Variants in MID1 observed in about 807,000 individuals in gnomAD.
MID1 encodes midline 1.
A neutral mutation model predicts 40.4 loss-of-function variants in MID1; 7 were observed. The observed-to-expected ratio is 0.17, with a 90% confidence interval of 0.10 to 0.33. The LOEUF (loss-of-function observed/expected upper bound fraction) is 0.33. Ranked by LOEUF, MID1 falls within the 10% of genes least tolerant of loss-of-function variation. MID1 has a pLI of 1.00. For missense variants in MID1, 367 were observed against 558.5 expected, an observed-to-expected ratio of 0.66 and a Z score of 3.46; for synonymous variants, 229 against 221.2, an observed-to-expected ratio of 1.04 and a Z score of -0.31.
chrX:10,542,061 G>A (rs2147409734), intron 2 of MID1, among the ~76,000 whole-genome samples: 1 of 112,151 alleles, frequency 8.9e-6, no homozygotes. Flanking sequence ...CATTTAAAAT[G>A]GTTAACAAAC....
At chrX:10,745,695 G>T (rs1455433542) in intron 1 of MID1, among the ~76,000 whole-genome samples, 1 of 112,522 alleles carries the variant, frequency 8.9e-6, no homozygotes, top group Non-Finnish European at 1.9e-5. Context: ...GGTAAAAATG[G>T]AGTTTTCCAT....
chrX:10,655,432 A>T (rs1569139184), intron 1 of MID1, among the ~76,000 whole-genome samples: 1 of 110,993 alleles, frequency 9.0e-6, no homozygotes, highest in Non-Finnish European at 1.9e-5. Context: ...CCAAGAGCTA[A>T]AAGTGACCCG....
chrX:10,634,912 C>T (rs1936093062), intron 1 of MID1, among the ~76,000 whole-genome samples: 1 of 112,510 alleles, frequency 8.9e-6, no homozygotes, highest in Admixed American at 9.4e-5. Context: ...CTGAGTCCCC[C>T]GTCTTTGTTC....
At chrX:10,704,765 C>CACACAGAG (rs781699598) in intron 1 of MID1, among the ~76,000 whole-genome samples, 28 of 91,624 alleles carry the variant, frequency 3.1e-4, no homozygotes, top group African/African-American at 1.2e-3. Context: ...CACACACACA[C>CACACAGAG]AGAGAGAGAG....
At chrX:10,462,254 A>T (rs1929088388) in intron 7 of MID1, among the ~76,000 whole-genome samples, 1 of 112,201 alleles carries the variant, frequency 8.9e-6, no homozygotes, top group Admixed American at 9.5e-5. Flanking sequence ...TATTGCCAAG[A>T]TAATAATTGA....
chrX:10,626,651 C>T (rs1387736919), intron 1 of MID1, among the ~76,000 whole-genome samples: 1 of 111,858 alleles, frequency 8.9e-6, no homozygotes, highest in Non-Finnish European at 1.9e-5. Flanking sequence ...TGGGGCCTTT[C>T]TGTAACAATG....
intron 1 of MID1, among the ~76,000 whole-genome samples, chrX:10,661,975 T>A (rs1462229976): frequency 8.9e-6 from 1 of 112,330 alleles, no homozygotes; most frequent in Non-Finnish European, 1.9e-5. Context: ...GGAGGCATAA[T>A]TGGATCTCAT....
Position 10,500,557 on chromosome X carries a change from A to C in MID1, c.757-4866T>G, listed in dbSNP as rs1232839667. ...TATTTCAGAATTTTTTCTACTACAAAGAAGTTTTCCACAGTTTTGCTGTTT... is the reference window on the plus strand; with the variant it reads ...TATTTCAGAATTTTTTCTACTACAACGAAGTTTTCCACAGTTTTGCTGTTT... On this transcript the variant is annotated intron_variant, in intron 3 of 9. Transcript: ENST00000317552. Among the ~76,000 whole-genome samples, 3 of 112,519 alleles carry C rather than the reference A, an allele frequency of 2.7e-5. No individual in the cohort carries two copies. In the Admixed American group the frequency reaches 2.8e-4, roughly 11 times the overall value.
chrX:10,802,132 A>C (rs1021490762), intron 1 of MID1, among the ~76,000 whole-genome samples: 2 of 111,768 alleles, frequency 1.8e-5, no homozygotes, highest in Non-Finnish European at 3.8e-5. Context: ...CAGTGAGCCG[A>C]GATCACGCCA....
intron 5 of MID1, among the ~76,000 whole-genome samples, chrX:10,481,063 G>T (rs766048026): frequency 8.9e-6 from 1 of 111,785 alleles, no homozygotes; most frequent in Non-Finnish European, 1.9e-5. Flanking sequence ...ATGGTCTACT[G>T]CCTGTTTTTG....
chrX:10,694,517 T>G (rs149099983), intron 1 of MID1, among the ~76,000 whole-genome samples: 2,069 of 111,991 alleles, frequency 0.018, 20 homozygotes, highest in African/African-American at 0.027. Context: ...CCTAAGAGTG[T>G]AGGGGAAAAG....
chrX:10,561,033 G>T (rs145847391), intron 2 of MID1, among the ~76,000 whole-genome samples: 1,256 of 106,311 alleles, frequency 0.012, 148 homozygotes, highest in African/African-American at 0.036. Flanking sequence ...TAGACCAATG[G>T]AACAGAACAG....
At chrX:10,517,573 A>C (rs999251867) in intron 3 of MID1, among the ~76,000 whole-genome samples, 4 of 112,658 alleles carry the variant, frequency 3.6e-5, no homozygotes, top group African/African-American at 1.3e-4. Flanking sequence ...TAAACCTTCA[A>C]AACCAAAGTT....
intron 1 of MID1, among the ~76,000 whole-genome samples, chrX:10,744,112 G>A (rs1207029547): frequency 9.0e-6 from 1 of 111,677 alleles, no homozygotes; most frequent in Non-Finnish European, 1.9e-5. Context: ...ATAATGGCCA[G>A]AGGGGGTGTG....
chrX:10,714,994 T>A lies in MID1; in HGVS notation c.-186-94575A>T, dbSNP rs184798270. Among the ~76,000 whole-genome samples the A allele has an allele frequency of 6.4e-3, 728 of 112,937 alleles. 3 individuals are homozygous for A. Among genetic ancestry groups the A allele is most frequent in the Middle Eastern group, 0.014 (3 of 218 alleles). On this transcript the variant is annotated intron_variant, in intron 1 of 10. Transcript: ENST00000380785. The stretch of plus-strand genomic sequence containing the variant: ...CTTTTGTATACTGTACATATTGCAG[T>A]TTTTTAAAGAAATAATTTAATTGGC...
chrX:10,566,532 C>CCTCTCTCTCT (rs773613255), intron 2 of MID1, among the ~76,000 whole-genome samples: 17 of 52,830 alleles, frequency 3.2e-4, no homozygotes, highest in East Asian at 4.6e-4. Context: ...CCTCTCTCTC[C>CCTCTCTCTCT]CTCTCTCTCT....
chrX:10,514,875 GTGGT>G (rs1162930322), intron 3 of MID1, among the ~76,000 whole-genome samples: 1 of 111,822 alleles, frequency 8.9e-6, no homozygotes, highest in Non-Finnish European at 1.9e-5. Flanking sequence ...GTTGTATGAT[GTGGT>G]TTAATGAGGC....
intron 2 of MID1, among the ~76,000 whole-genome samples, chrX:10,533,391 A>AAAAAGAAAGAAAGAAAAGAAAG (rs1933091894): frequency 5.4e-5 from 3 of 55,081 alleles, no homozygotes; most frequent in East Asian, 7.7e-4. Context: ...AGAAAGAAAG[A>AAAAAGAAAGAAAGAAAAGAAAG]AAAGAAAGAA....
At chrX:10,816,487 G>A (rs927038447) in intron 1 of MID1, among the ~76,000 whole-genome samples, 1 of 112,228 alleles carries the variant, frequency 8.9e-6, no homozygotes, top group African/African-American at 3.2e-5. Context: ...TGAATGGATT[G>A]TGTTTTATAT....
Sources: gnomAD v4.1 joint callset for allele counts (sites outside exome capture counted in the v4.1 genomes callset) on GRCh38, gnomAD v4.1.1 for gene constraint, MANE v1.5 for transcripts, NCBI Gene and HGNC (gene_info 2026-07-23, HGNC 2026-07-21) for gene names.